PLEKHA8: variants seen among roughly 807,000 people sequenced by gnomAD.
PLEKHA8 encodes the protein pleckstrin homology domain-containing family A member 8.
PLEKHA8 carries 36 observed loss-of-function variants against 68.2 expected under a neutral mutation model. That is an observed-to-expected ratio of 0.53 (90% CI 0.40 to 0.70). The LOEUF (loss-of-function observed/expected upper bound fraction) is 0.70, where lower values mean the gene tolerates loss of function less well. PLEKHA8 is among the 30% of genes least tolerant of loss of function. The probability of loss-of-function intolerance (pLI) is 0.00; values close to 1 mark genes in which losing one functional copy is unlikely to be tolerated. For missense variants in PLEKHA8, 505 were observed against 615.4 expected (o/e 0.82, Z 1.90); for synonymous variants, 211 against 216.1 (o/e 0.98, Z 0.20).
chr7:30,128,037 T>G (rs1386492565), intron 13 of PLEKHA8, among the ~76,000 whole-genome samples: 1 of 152,146 alleles, frequency 6.6e-6, no homozygotes, highest in Non-Finnish European at 1.5e-5. Flanking sequence ...CTTTCATACT[T>G]TCTCTATTAG....
Position 30,084,480 on chromosome 7 carries a change from CGA to C in PLEKHA8, c.*5694_*5695del. 2 of 985,118 alleles carry C rather than the reference CGA, an allele frequency of 2.0e-6. No homozygotes were observed. The highest frequency in any genetic ancestry group is 9.4e-5 in the South Asian group (2 of 21,276). 61.0% of individuals were successfully genotyped at this position (985,118 alleles called of 1,614,324 possible). A position where few individuals can be genotyped will look rare whatever the true frequency, so the allele number is the denominator to read the frequency against. Reference sequence around the variant, plus strand: ...TATGTTGGAGCCTCTTGGGACCAACCGATGAGCGACAGTTTCATGTTTAGATT... The same window carrying C: ...TATGTTGGAGCCTCTTGGGACCAACCTGAGCGACAGTTTCATGTTTAGATT... On this transcript the variant is annotated 3_prime_UTR_variant, in exon 14 of 14. Transcript: ENST00000449726.
intron 1 of PLEKHA8, among the ~76,000 whole-genome samples, chr7:30,036,437 TAG>T (rs1562851669): frequency 2.6e-5 from 4 of 151,502 alleles, no homozygotes; most frequent in African/African-American, 9.7e-5. Context: ...GATAGATAGA[TAG>T]ATAGATAGAT....
At chr7:30,104,745 C>T (rs1292400925) in intron 13 of PLEKHA8, among the ~76,000 whole-genome samples, 1 of 107,054 alleles carries the variant, frequency 9.3e-6, no homozygotes, top group East Asian at 2.7e-4. Flanking sequence ...TTTTCTGAGG[C>T]AGAGTCTCAT....
At chr7:30,034,938 G>T (rs918673237) in intron 1 of PLEKHA8, among the ~76,000 whole-genome samples, 2 of 152,108 alleles carry the variant, frequency 1.3e-5, no homozygotes, top group Non-Finnish European at 2.9e-5. Flanking sequence ...CAAACCTAAG[G>T]TCATGAAGAT....
chr7:30,035,969 T>C (rs976865908), intron 1 of PLEKHA8, among the ~76,000 whole-genome samples: 1 of 151,740 alleles, frequency 6.6e-6, no homozygotes, highest in African/African-American at 2.4e-5. Context: ...TAAAATTCCA[T>C]TGTAGACCAG....
intron 12 of PLEKHA8, among the ~76,000 whole-genome samples, chr7:30,073,563 T>TAAAAAAAAAAAAAAA (rs35738941): frequency 6.6e-4 from 74 of 111,756 alleles, no homozygotes; most frequent in African/African-American, 2.5e-3. Flanking sequence ...TTGTGTTTCT[T>TAAAAAAAAAAAAAAA]AAAAAAAAAA....
chr7:30,048,946 T>C (rs957568186), intron 4 of PLEKHA8, among the ~76,000 whole-genome samples: 2 of 152,166 alleles, frequency 1.3e-5, no homozygotes. Flanking sequence ...CTTTTGGTTG[T>C]CATGACTGAG....
At chr7:30,029,505 G>C (rs1283005532) in intron 1 of PLEKHA8, among the ~76,000 whole-genome samples, 2 of 152,156 alleles carry the variant, frequency 1.3e-5, no homozygotes, top group African/African-American at 2.4e-5. Context: ...GGAGGTAAAA[G>C]CTTCATATCT....
intron 7 of PLEKHA8, among the ~76,000 whole-genome samples, chr7:30,053,207 T>C (rs938203246): frequency 1.3e-5 from 2 of 152,176 alleles, no homozygotes; most frequent in Non-Finnish European, 2.9e-5. Flanking sequence ...TTACAGCAGT[T>C]CAGTTTTTCA....
At position 30,082,560 on chromosome 7, in the gene PLEKHA8, G is replaced by A. The variant is rs1794993951; in HGVS notation, c.*3773G>A. On this transcript the variant is annotated 3_prime_UTR_variant, in exon 14 of 14. Coordinates refer to ENST00000449726, the MANE Select transcript of PLEKHA8 (RefSeq NM_001197026.2). Reference sequence around the variant, plus strand: ...AAGATGATTATTAGAGGAGTGCAGCGGAAAAAAATTTGCACTCTTCTCCTT... The same window carrying A: ...AAGATGATTATTAGAGGAGTGCAGCAGAAAAAAATTTGCACTCTTCTCCTT... 35 of 985,106 alleles carry A rather than the reference G, an allele frequency of 3.6e-5. No individual in the cohort carries two copies. The highest frequency in any genetic ancestry group is 1.1e-4 in the East Asian group (1 of 8,806). 61.0% of individuals were successfully genotyped at this position (985,106 alleles called of 1,614,324 possible). A position where few individuals can be genotyped will look rare whatever the true frequency, so the allele number is the denominator to read the frequency against.
In PLEKHA8 at chr7:30,081,033, T is replaced by C. The variant is rs967305928; in HGVS notation, c.*2246T>C. 2.8e-5 allele frequency: 28 copies of C among 985,162 alleles called. No homozygotes were observed. The highest frequency in any genetic ancestry group is 3.4e-5 in the Non-Finnish European group (28 of 829,916). The allele number at this position is 985,162 out of a possible 1,614,324, so 61.0% of individuals were successfully genotyped here. ...GGTAGCACTCTGAAAATACCTCAGG[T>C]TTGCCACCGCAACTCTGAATACACA... On this transcript the variant is annotated 3_prime_UTR_variant, in exon 14 of 14. Coordinates refer to ENST00000449726, the MANE Select transcript of PLEKHA8 (RefSeq NM_001197026.2).
chr7:30,118,031 A>G, intron 13 of PLEKHA8: 1 of 1,516,270 alleles, frequency 6.6e-7, no homozygotes, highest in Non-Finnish European at 8.8e-7. Context: ...GCGGGTGCAG[A>G]GTGGCCTGCA....
chr7:30,114,989 C>T (rs1310457132), intron 13 of PLEKHA8, among the ~76,000 whole-genome samples: 2 of 152,094 alleles, frequency 1.3e-5, no homozygotes, highest in African/African-American at 2.4e-5. Context: ...CGATGGTTCT[C>T]CTAATCTACT....
In PLEKHA8 at chr7:30,081,709, G is replaced by A; in HGVS notation, c.*2922G>A. ...TTATTTTTCTAGCGTAACCTTTAGA[G>A]AGAACTGGAAGAAAAAGGAAATTGG... On this transcript the variant is annotated 3_prime_UTR_variant, in exon 14 of 14. Coordinates refer to ENST00000449726, the MANE Select transcript of PLEKHA8 (RefSeq NM_001197026.2). 1 of 985,334 alleles carries A rather than the reference G, an allele frequency of 1.0e-6. No homozygotes were observed. The highest frequency in any genetic ancestry group is 1.2e-6 in the Non-Finnish European group (1 of 829,874). 61.0% of individuals were successfully genotyped at this position (985,334 alleles called of 1,614,324 possible).
rs998330448 is a variant in PLEKHA8 at position 30,055,465 on chromosome 7, A to G, written c.1039+123A>G. ...AGATGACCCTTGGCTATTTGTTCAA[A>G]TCACCAGACACATACAGTTAAAACT... On this transcript the variant is annotated intron_variant, in intron 9 of 13. Coordinates refer to ENST00000449726, the MANE Select transcript of PLEKHA8 (RefSeq NM_001197026.2). 2.9e-5 allele frequency: 23 copies of G among 798,552 alleles called. No homozygotes were observed. In the African/African-American group the frequency reaches 3.9e-4, roughly 14 times the overall value. The allele number at this position is 798,552 out of a possible 1,614,324, so 49.5% of individuals were successfully genotyped here.
In PLEKHA8 at chr7:30,034,978, A is replaced by G. The variant is rs749979084; in HGVS notation, c.40+6176A>G. 8.1e-4 allele frequency among the ~76,000 whole-genome samples: 124 copies of G among 152,240 alleles called. 2 individuals carry two copies. The highest frequency in any genetic ancestry group is 7.5e-4 in the Non-Finnish European group (51 of 68,042). ...CCTTAAGGCTTTAAAAATAGTTTTT[A>G]GTGCTTACATTTAATTCTCATCCAT... is the stretch of plus-strand genomic sequence containing the variant. On this transcript the variant is annotated intron_variant, in intron 1 of 13. Transcript: ENST00000449726.
At chr7:30,029,650 T>C (rs1229090703) in intron 1 of PLEKHA8, among the ~76,000 whole-genome samples, 1 of 152,238 alleles carries the variant, frequency 6.6e-6, no homozygotes, top group Non-Finnish European at 1.5e-5. Context: ...AAGTAAACTT[T>C]TTATCACAGA....
chr7:30,118,846 C>T (rs937399441), intron 13 of PLEKHA8, among the ~76,000 whole-genome samples: 3 of 152,224 alleles, frequency 2.0e-5, no homozygotes, highest in African/African-American at 4.8e-5. Flanking sequence ...TCTTTCTCCA[C>T]GTCTCCCATT....
At chr7:30,110,913 T>C (rs141339250) in intron 13 of PLEKHA8, among the ~76,000 whole-genome samples, 1 of 151,410 alleles carries the variant, frequency 6.6e-6, no homozygotes, top group African/African-American at 2.4e-5. Context: ...TGAGGTTGTT[T>C]TTTTTTTTTT....
Sources: allele counts gnomAD v4.1 joint callset (sites outside exome capture counted in the v4.1 genomes callset), GRCh38; gene constraint gnomAD v4.1.1; transcripts MANE v1.5; gene names NCBI Gene and HGNC (gene_info 2026-07-23, HGNC 2026-07-21).